USP14: variants seen among roughly 807,000 people sequenced by gnomAD.
The protein encoded by USP14 is ubiquitin carboxyl-terminal hydrolase 14.
USP14 carries 38 observed loss-of-function variants against 76.5 expected under a neutral mutation model. The ratio of observed to expected loss-of-function variants is 0.50; its 90% CI spans 0.38 to 0.65. USP14 has a LOEUF of 0.65. Ranked by LOEUF, USP14 falls within the 30% of genes least tolerant of loss-of-function variation. USP14 has a pLI of 0.00. For synonymous variants in USP14, 192 were observed against 191.7 expected, an observed-to-expected ratio of 1.00 and a Z score of -0.01; for missense variants, 467 against 586.5, an observed-to-expected ratio of 0.80 and a Z score of 2.10.
intron 3 of USP14, among the ~76,000 whole-genome samples, chr18:177,847 T>G (rs1199926942): frequency 6.6e-6 from 1 of 152,202 alleles, no homozygotes; most frequent in Non-Finnish European, 1.5e-5. Context: ...TAGGTTAATG[T>G]GTAGAATTAT....
At position 198,124 on chromosome 18, in the gene USP14, T is replaced by C. The variant is rs574683311; in HGVS notation, c.753T>C (p.Phe251=). The C allele has an allele frequency of 9.3e-6, 15 of 1,605,950 alleles. No individual in the cohort carries two copies. The South Asian group carries it at 1.5e-4, about 16-fold the overall frequency. ...SLIDQFFGVE[F]ETTMKCTESE... ...TCGATCAGTTCTTCGGTGTTGAGTT[T>C]GAAACTACGTATCCTTATGAGCCAA... is the stretch of plus-strand genomic sequence containing the variant. The change falls in exon 9 of 16, where the codon TTT becomes TTC. Residue 251 remains phenylalanine (F), a synonymous_variant. Transcript: ENST00000261601.
In USP14 at chr18:210,432, A is replaced by G. The variant is rs1205913311; in HGVS notation, c.1272A>G (p.Leu424=). The change falls in exon 15 of 16, where the codon CTA becomes CTG. Residue 424 remains leucine, a synonymous_variant. Transcript: ENST00000261601. ...GATACTATGACTTACAAGCAGTACTAACACACCAGGGAAGGTCTAGTTCTT... is the reference window on the plus strand; with the variant it reads ...GATACTATGACTTACAAGCAGTACTGACACACCAGGGAAGGTCTAGTTCTT... ...NCGYYDLQAV[L]THQGRSSSSG... 6 of 1,612,434 alleles carry G rather than the reference A, an allele frequency of 3.7e-6. No homozygotes were observed. The highest frequency in any genetic ancestry group is 5.1e-6 in the Non-Finnish European group (6 of 1,179,230).
intron 5 of USP14, among the ~76,000 whole-genome samples, chr18:184,190 A>AT (rs1186211513): frequency 2.0e-5 from 3 of 151,916 alleles, no homozygotes; most frequent in African/African-American, 4.8e-5. Context: ...TATTTTTAGT[A>AT]TTTTTTCTTT....
intron 6 of USP14, among the ~76,000 whole-genome samples, chr18:196,230 G>A (rs1488026528): frequency 6.6e-6 from 1 of 151,736 alleles, no homozygotes; most frequent in African/African-American, 2.4e-5. Flanking sequence ...AGGCCCTTCT[G>A]TGTTCAAGCA....
chr18:173,396 CCACCAT>C (rs1317384105), intron 3 of USP14, among the ~76,000 whole-genome samples: 1 of 151,460 alleles, frequency 6.6e-6, no homozygotes, highest in Non-Finnish European at 1.5e-5. Flanking sequence ...CAGGCTTGAG[CCACCAT>C]GCCCGGCCTA....
intron 6 of USP14, among the ~76,000 whole-genome samples, 160 bp downstream of exon 6, chr18:193,060 G>A (rs1315306130): frequency 1.3e-5 from 2 of 152,092 alleles, no homozygotes; most frequent in South Asian, 2.1e-4. Flanking sequence ...TTATTTTATC[G>A]TCCAGATTAT....
intron 13 of USP14, among the ~76,000 whole-genome samples, 156 bp downstream of exon 13, chr18:204,848 A>C (rs1910485549): frequency 6.6e-6 from 1 of 151,838 alleles, no homozygotes; most frequent in Admixed American, 6.6e-5. Context: ...TAGCAGGTAT[A>C]CACATCCTCC....
Position 202,096 on chromosome 18 carries a change from A to G in USP14, c.877-784A>G, listed in dbSNP as rs1426038979. On this transcript the variant is annotated intron_variant, in intron 10 of 15. Coordinates refer to ENST00000261601, the MANE Select transcript of USP14 (RefSeq NM_005151.4). ...TTACCAGTAGGTTATTTTAATTCTAATTTCTTTTTTGTTTGTTTTCTTAAA... is the reference window on the plus strand; with the variant it reads ...TTACCAGTAGGTTATTTTAATTCTAGTTTCTTTTTTGTTTGTTTTCTTAAA... Among the ~76,000 whole-genome samples, 3 of 152,186 alleles carry G rather than the reference A, an allele frequency of 2.0e-5. No individual in the cohort carries two copies. The East Asian group carries it at 5.8e-4, about 29-fold the overall frequency.
At chr18:196,289 A>G (rs1910232299) in intron 6 of USP14, among the ~76,000 whole-genome samples, 1 of 151,196 alleles carries the variant, frequency 6.6e-6, no homozygotes, top group Non-Finnish European at 1.5e-5. Flanking sequence ...GGCTGAAGTG[A>G]GCGGATCATG....
intron 3 of USP14, among the ~76,000 whole-genome samples, chr18:173,529 A>G (rs954926407): frequency 1.3e-5 from 2 of 152,114 alleles, no homozygotes; most frequent in African/African-American, 4.8e-5. Flanking sequence ...CTCCTGCCTC[A>G]GCCTCCTGAG....
At chr18:178,578 C>T (rs768572734) in intron 3 of USP14, among the ~76,000 whole-genome samples, 9 of 152,128 alleles carry the variant, frequency 5.9e-5, no homozygotes, top group Non-Finnish European at 8.8e-5. Context: ...AGTTTCATCA[C>T]GAAAAAGTTT....
At chr18:181,351 C>T (rs1909784531) in intron 5 of USP14, among the ~76,000 whole-genome samples, 1 of 152,140 alleles carries the variant, frequency 6.6e-6, no homozygotes, top group South Asian at 2.1e-4. Flanking sequence ...TATTGTCTGT[C>T]TTTGATTAAG....
At chr18:205,617 T>C (rs999189890) in intron 13 of USP14, among the ~76,000 whole-genome samples, 2 of 151,932 alleles carry the variant, frequency 1.3e-5, no homozygotes, top group Admixed American at 6.6e-5. Context: ...CTACAAAATA[T>C]GAAAATAAAA....
intron 10 of USP14, among the ~76,000 whole-genome samples, chr18:201,003 A>C (rs913292399): frequency 2.0e-5 from 3 of 152,062 alleles, no homozygotes; most frequent in East Asian, 1.9e-4. Context: ...GGGTTTTGTC[A>C]TGTTAGCCTG....
chr18:207,055 A>G lies in USP14; in HGVS notation c.1164+2363A>G, dbSNP rs1567837137. Reference sequence around the variant, plus strand: ...GTGAATATCTGGTTGTCTCAGCACCATTTTTTAAGAAGACTGTTCTTTGCC... The same window carrying G: ...GTGAATATCTGGTTGTCTCAGCACCGTTTTTTAAGAAGACTGTTCTTTGCC... On this transcript the variant is annotated intron_variant, in intron 13 of 15. Transcript: ENST00000261601. 4.1e-5 allele frequency among the ~76,000 whole-genome samples: 6 copies of G among 146,468 alleles called. 1 individual carries two copies. In the South Asian group the frequency reaches 1.3e-3, roughly 32 times the overall value.
At chr18:196,599 G>C in intron 6 of USP14, 38 bp from the exon 7 acceptor site, 1 of 1,579,056 alleles carries the variant, frequency 6.3e-7, no homozygotes, top group Non-Finnish European at 8.6e-7. Context: ...TTAAATATGT[G>C]ACTGTTTTAC....
chr18:201,887 T>G (rs1433981509), intron 10 of USP14, among the ~76,000 whole-genome samples: 1 of 152,256 alleles, frequency 6.6e-6, no homozygotes, highest in Non-Finnish European at 1.5e-5. Flanking sequence ...TTATAACTTT[T>G]AAGATATTTT....
rs1910738741 is a variant in USP14, at chr18:213,551, C to T, written c.*2267C>T. 6.6e-6 allele frequency: 1 copy of T among 152,352 alleles called. No homozygotes were observed. The highest frequency in any genetic ancestry group is 2.4e-5 in the African/African-American group (1 of 41,352). The allele number at this position is 152,352 out of a possible 1,614,324, so 9.4% of individuals were successfully genotyped here. Reference sequence around the variant, plus strand: ...AAAAAGTCTTGATTCCTGAATGTGCCTTATATGCTGTGCCACTCACACCGA... The same window carrying T: ...AAAAAGTCTTGATTCCTGAATGTGCTTTATATGCTGTGCCACTCACACCGA... On this transcript the variant is annotated 3_prime_UTR_variant, in exon 16 of 16. Transcript: ENST00000261601.
chr18:211,381 TTA>T lies in USP14; in HGVS notation c.*99_*100del. ...TTTAGAGGAAGACACATAGGTGGGT[TTA>T]TGTTTCACCTCATTTGGAACAAAAG... On this transcript the variant is annotated 3_prime_UTR_variant, in exon 16 of 16. Coordinates refer to ENST00000261601, the MANE Select transcript of USP14 (RefSeq NM_005151.4). 7.5e-7 allele frequency: 1 copy of T among 1,329,124 alleles called. No homozygotes were observed. Among genetic ancestry groups the T allele is most frequent in the Non-Finnish European group, 1.0e-6 (1 of 980,826 alleles). The allele number at this position is 1,329,124 out of a possible 1,614,324, so 82.3% of individuals were successfully genotyped here. A position where few individuals can be genotyped will look rare whatever the true frequency, so the allele number is the denominator to read the frequency against.
Sources: gnomAD v4.1 joint callset for allele counts (sites outside exome capture counted in the v4.1 genomes callset) on GRCh38, gnomAD v4.1.1 for gene constraint, MANE v1.5 for transcripts, NCBI Gene and HGNC (gene_info 2026-07-23, HGNC 2026-07-21) for gene names.